Variants in SLC12A7 observed in about 807,000 individuals in gnomAD.
SLC12A7 encodes the protein K-Cl cotransporter 4.
SLC12A7 carries 100 observed loss-of-function variants against 120.6 expected under a neutral mutation model. The ratio of observed to expected loss-of-function variants is 0.83; its 90% CI spans 0.71 to 0.98. SLC12A7 has a LOEUF of 0.98. SLC12A7 is among the 50% of genes least tolerant of loss of function. SLC12A7 has a pLI of 0.00. For missense variants in SLC12A7, 1,373 were observed against 1,548.1 expected (o/e 0.89, Z 1.90); for synonymous variants, 760 against 678.0 (o/e 1.12, Z -1.88).
At chr5:1,075,146 T>G (rs1446446732) in intron 15 of SLC12A7, among the ~76,000 whole-genome samples, 2 of 152,178 alleles carry the variant, frequency 1.3e-5, no homozygotes, top group Non-Finnish European at 2.9e-5. Context: ...AGCTCCAGGC[T>G]GGAGACCCTG....
chr5:1,057,131 T>C (rs1735704411), intron 22 of SLC12A7: 1 of 249,262 alleles, frequency 4.0e-6, no homozygotes, highest in Non-Finnish European at 7.6e-6. Context: ...CCACCCTAGG[T>C]CCTACAAGGA....
chr5:1,088,344 A>G lies in SLC12A7; in HGVS notation c.506T>C (p.Ile169Thr), dbSNP rs749456057. 1 of 1,586,680 alleles carries G rather than the reference A, an allele frequency of 6.3e-7. No homozygotes were observed. The highest frequency in any genetic ancestry group is 8.6e-7 in the Non-Finnish European group (1 of 1,166,984). The change falls in exon 5 of 24, where the codon ATT (isoleucine) becomes ACT (threonine). Residue 169 changes from isoleucine to threonine, a missense_variant. Ile to Thr is a moderately conservative substitution (Grantham distance 89). Coordinates refer to ENST00000264930, the MANE Select transcript of SLC12A7 (RefSeq NM_006598.3). ...MCCTCTMLTA[I>T]SMSAIATNGV... Reference sequence around the variant, plus strand: ...GTTGGTAGCGATCGCACTCATGGAAATGGCGGTCAGCATTGTCTGCAAAAA... The same window carrying G: ...GTTGGTAGCGATCGCACTCATGGAAGTGGCGGTCAGCATTGTCTGCAAAAA...
chr5:1,058,061 G>A (rs898238182), intron 21 of SLC12A7, among the ~76,000 whole-genome samples: 1 of 152,216 alleles, frequency 6.6e-6, no homozygotes, highest in South Asian at 2.1e-4. Context: ...GGCCGTACCA[G>A]CATCCAGGCC....
intron 1 of SLC12A7, among the ~76,000 whole-genome samples, chr5:1,109,393 C>T (rs1217157024): frequency 1.3e-5 from 2 of 152,174 alleles, no homozygotes; most frequent in African/African-American, 4.8e-5. Flanking sequence ...CTCCTACTCT[C>T]AAAAAACCAC....
At chr5:1,110,169 G>A (rs1188001446) in intron 1 of SLC12A7, among the ~76,000 whole-genome samples, 1 of 152,252 alleles carries the variant, frequency 6.6e-6, no homozygotes, top group Non-Finnish European at 1.5e-5. Context: ...GGCCCTTTCT[G>A]TGGAAGTAGG....
rs555566736 is a variant in SLC12A7, at chr5:1,084,726, C to A, written c.917+506G>T. ...CCTCCACGCAGAGACGGCAAAACCG[C>A]GGGAGCCTCAAGGGGCTTGGCTGCT... On this transcript the variant is annotated intron_variant, in intron 7 of 23. Coordinates refer to ENST00000264930, the MANE Select transcript of SLC12A7 (RefSeq NM_006598.3). Among the ~76,000 whole-genome samples the A allele has an allele frequency of 4.9e-3, 750 of 152,238 alleles. 4 individuals carry two copies. The highest frequency in any genetic ancestry group is 6.0e-3 in the Non-Finnish European group (411 of 68,020).
At chr5:1,127,099 C>T in the SLC12A7 span, among the ~76,000 whole-genome samples, 3 of 152,170 alleles carry the variant, frequency 2.0e-5, no homozygotes, top group African/African-American at 7.2e-5. Context: ...ACTGCAACCT[C>T]CACCGCCCAG....
chr5:1,095,304 A>C (rs554257372), intron 1 of SLC12A7, among the ~76,000 whole-genome samples: 92 of 152,278 alleles, frequency 6.0e-4, no homozygotes, highest in African/African-American at 2.1e-3. Flanking sequence ...AACACAAGGA[A>C]CTCGGCACAG....
intron 1 of SLC12A7, among the ~76,000 whole-genome samples, chr5:1,104,033 C>T (rs901580733): frequency 2.0e-5 from 3 of 152,208 alleles, no homozygotes; most frequent in Non-Finnish European, 2.9e-5. Flanking sequence ...CCTCCCAGGG[C>T]GGCTCCTGTT....
At chr5:1,113,297 C>T (rs1743176580), upstream of SLC12A7, among the ~76,000 whole-genome samples, 1 of 152,210 alleles carries the variant, frequency 6.6e-6, no homozygotes, top group South Asian at 2.1e-4. Flanking sequence ...ATGTTTTAGC[C>T]GCTTGCCTGT....
chr5:1,094,127 CCTT>C (rs780290234), intron 2 of SLC12A7, 24 bp downstream of exon 2: 20 of 1,583,768 alleles, frequency 1.3e-5, no homozygotes, highest in Admixed American at 5.0e-5. Context: ...GGCCCTGGCA[CCTT>C]CTTCTTCTAA....
At chr5:1,066,599 C>T (rs1737079294) in intron 17 of SLC12A7, among the ~76,000 whole-genome samples, 1 of 152,186 alleles carries the variant, frequency 6.6e-6, no homozygotes, top group Non-Finnish European at 1.5e-5. Flanking sequence ...GAAAACCTGT[C>T]TTTATGGATG....
chr5:1,061,793 T>C (rs1240198255), intron 20 of SLC12A7, among the ~76,000 whole-genome samples: 1 of 100,142 alleles, frequency 1.0e-5, no homozygotes, highest in African/African-American at 3.7e-5. Flanking sequence ...CTACTAAAAA[T>C]ACAAAGAAAA....
chr5:1,106,002 A>G (rs2150907624), intron 1 of SLC12A7, among the ~76,000 whole-genome samples: 1 of 152,196 alleles, frequency 6.6e-6, no homozygotes, highest in East Asian at 1.9e-4. Context: ...CACCCACCAC[A>G]CGGCCGTCAC....
In SLC12A7 at chr5:1,073,715, G is replaced by A; in HGVS notation, c.2159C>T (p.Ala720Val). 1 of 1,579,652 alleles carries A rather than the reference G, an allele frequency of 6.3e-7. No individual in the cohort carries two copies. The highest frequency in any genetic ancestry group is 1.1e-5 in the South Asian group (1 of 87,548). Residue 720 changes from alanine (A) to valine (V), a missense_variant, in exon 17 of 24, where the codon GCC becomes GTC. Ala to Val is a moderately conservative substitution (Grantham distance 64, BLOSUM62 0). Transcript: ENST00000264930. ...RLLSFTSQLK[A>V]GKGLTIVGSV... ...GCCCACGATGGTCAGGCCCTTGCCG[G>A]CCTTCAGCTGCGACGTGAAGGACAG...
At chr5:1,109,327 C>T (rs933244739) in intron 1 of SLC12A7, among the ~76,000 whole-genome samples, 1 of 152,196 alleles carries the variant, frequency 6.6e-6, no homozygotes, top group Non-Finnish European at 1.5e-5. Context: ...GTTACAAAAC[C>T]CACTCTACCC....
At chr5:1,134,092 G>A in the SLC12A7 span, among the ~76,000 whole-genome samples, 1 of 152,084 alleles carries the variant, frequency 6.6e-6, no homozygotes, top group African/African-American at 2.4e-5. Context: ...AAAGCCTCCC[G>A]GCTGATTCTC....
chr5:1,139,290 C>T, the SLC12A7 span, among the ~76,000 whole-genome samples: 2 of 152,382 alleles, frequency 1.3e-5, no homozygotes, highest in Non-Finnish European at 2.9e-5. Flanking sequence ...CTCCCCAGGA[C>T]GTGCGGCCCC....
At chr5:1,139,728 C>T in the SLC12A7 span, among the ~76,000 whole-genome samples, 340 of 152,344 alleles carry the variant, frequency 2.2e-3, 1 homozygote, top group Middle Eastern at 3.4e-3. Context: ...TTGTGACCCA[C>T]GTCCCTCCTC....
Sources: gnomAD v4.1 joint callset for allele counts (sites outside exome capture counted in the v4.1 genomes callset) on GRCh38, gnomAD v4.1.1 for gene constraint, MANE v1.5 for transcripts, NCBI Gene and HGNC (gene_info 2026-07-23, HGNC 2026-07-21) for gene names.